CLDN14: variants seen among roughly 807,000 people sequenced by gnomAD.
CLDN14 encodes claudin-14.
Under a neutral mutation model 2.1 loss-of-function variants are expected in CLDN14, and 2 were observed. The observed-to-expected ratio is 0.96, with a 90% CI of 0.39 to 3.01. The LOEUF (loss-of-function observed/expected upper bound fraction) is 3.01, where lower values mean the gene tolerates loss of function less well. Among genes scored for constraint, CLDN14 ranks in the 30% most tolerant of loss-of-function variants. The probability of loss-of-function intolerance (pLI) is 0.09; values close to 1 mark genes in which losing one functional copy is unlikely to be tolerated. For synonymous variants in CLDN14, 136 were observed against 154.4 expected, an observed-to-expected ratio of 0.88 and a Z score of 0.88; for missense variants, 298 against 328.0, an observed-to-expected ratio of 0.91 and a Z score of 0.71.
intron 2 of CLDN14, among the ~76,000 whole-genome samples, chr21:36,497,679 G>C (rs760797451): frequency 6.6e-6 from 1 of 152,168 alleles, no homozygotes; most frequent in South Asian, 2.1e-4. Context: ...TCATTTCATC[G>C]CCGTTTAGCC....
intron 1 of CLDN14, among the ~76,000 whole-genome samples, chr21:36,570,560 G>A (rs1366514422): frequency 6.6e-6 from 1 of 152,072 alleles, no homozygotes; most frequent in Non-Finnish European, 1.5e-5. Flanking sequence ...GAACAAGGAC[G>A]GCAAACAAAA....
At chr21:36,465,866 A>C (rs2086639809) in intron 1 of CLDN14, among the ~76,000 whole-genome samples, 1 of 152,222 alleles carries the variant, frequency 6.6e-6, no homozygotes, top group East Asian at 1.9e-4. Flanking sequence ...AGTGGTGGGA[A>C]GGCAGAATCT....
intron 1 of CLDN14, among the ~76,000 whole-genome samples, chr21:36,554,610 A>G (rs908196121): frequency 2.0e-5 from 3 of 152,216 alleles, no homozygotes; most frequent in Non-Finnish European, 4.4e-5. Flanking sequence ...AGAGAGGTTA[A>G]GAAGCTTGCC....
Position 36,498,651 on chromosome 21 carries a change from C to T in CLDN14, c.-82+11712G>A, listed in dbSNP as rs2087062268. Among the ~76,000 whole-genome samples, 1 of 152,184 alleles carries T rather than the reference C, an allele frequency of 6.6e-6. No homozygotes were observed. Among genetic ancestry groups the T allele is most frequent in the African/African-American group, 2.4e-5 (1 of 41,448 alleles). On this transcript the variant is annotated intron_variant, in intron 2 of 2. Transcript: ENST00000342108. The surrounding 1 kb of genome is among the most constrained non-coding windows in gnomAD (Gnocchi z 4.9). ...CCGATGGCTAAGCTCTCTTCCCCTC[C>T]ACCCTGGAAAAAATGAACATAGGAT...
intron 1 of CLDN14, among the ~76,000 whole-genome samples, chr21:36,512,939 C>A (rs2087197151): frequency 6.6e-6 from 1 of 152,190 alleles, no homozygotes; most frequent in African/African-American, 2.4e-5. Context: ...AAAAACATAG[C>A]AACAAAGCAA....
At chr21:36,488,988 C>T (rs915177802) in intron 2 of CLDN14, among the ~76,000 whole-genome samples, 14 of 151,018 alleles carry the variant, frequency 9.3e-5, no homozygotes, top group South Asian at 4.2e-4. Flanking sequence ...CATGCATCTG[C>T]GATCCCAGCT....
chr21:36,510,328 G>C (rs1168392436), intron 2 of CLDN14: 3 of 152,228 alleles, frequency 2.0e-5, no homozygotes, highest in Non-Finnish European at 2.9e-5. Flanking sequence ...TTGATCCCTT[G>C]GAGTCCTCTT....
chr21:36,494,847 G>T (rs2087001192), intron 2 of CLDN14, among the ~76,000 whole-genome samples: 1 of 152,220 alleles, frequency 6.6e-6, no homozygotes, highest in Non-Finnish European at 1.5e-5. Flanking sequence ...GTGGAGCTTT[G>T]TTACAACATT....
chr21:36,466,916 A>G (rs982252631), intron 1 of CLDN14, among the ~76,000 whole-genome samples: 1 of 152,222 alleles, frequency 6.6e-6, no homozygotes, highest in African/African-American at 2.4e-5. Flanking sequence ...AAATTGACCA[A>G]AACAAAGAGG....
intron 1 of CLDN14, among the ~76,000 whole-genome samples, chr21:36,571,816 A>T (rs1482692497): frequency 1.3e-5 from 2 of 152,224 alleles, no homozygotes; most frequent in African/African-American, 4.8e-5. Flanking sequence ...ATTTTCTTGG[A>T]AAGTCACCAG....
At chr21:36,476,548 G>C in intron 1 of CLDN14, among the ~76,000 whole-genome samples, 1 of 152,140 alleles carries the variant, frequency 6.6e-6, no homozygotes, top group East Asian at 1.9e-4. Flanking sequence ...CGCCTCCCAG[G>C]TTCAAGTGAT....
intron 1 of CLDN14, among the ~76,000 whole-genome samples, chr21:36,562,747 G>A (rs1271375952): frequency 6.6e-6 from 1 of 151,956 alleles, no homozygotes; most frequent in South Asian, 2.1e-4. Context: ...TTCCCGCCTG[G>A]GGAATAGGCA....
At chr21:36,561,739 G>A (rs893238451) in intron 1 of CLDN14, among the ~76,000 whole-genome samples, 1 of 152,288 alleles carries the variant, frequency 6.6e-6, no homozygotes, top group Non-Finnish European at 1.5e-5. Flanking sequence ...TCAGCCAGGA[G>A]AGGTGTATTA....
chr21:36,484,971 CA>C (rs879649649), upstream of CLDN14, among the ~76,000 whole-genome samples: 1,622 of 151,662 alleles, frequency 0.011, 34 homozygotes, highest in Admixed American at 0.024. Context: ...CTCGGCCTCC[CA>C]AAGTGCTGGG....
intron 1 of CLDN14, 80 bp from the exon 2 acceptor site, chr21:36,461,856 C>T (rs143768024): frequency 6.6e-5 from 66 of 1,001,368 alleles, no homozygotes; most frequent in South Asian, 1.0e-4. Context: ...TTTCTGTCAC[C>T]GAAACCAAGT....
At chr21:36,508,434 G>A (rs1487918944) in intron 2 of CLDN14, among the ~76,000 whole-genome samples, 2 of 152,210 alleles carry the variant, frequency 1.3e-5, no homozygotes, top group Non-Finnish European at 2.9e-5. Context: ...GCACTGTAAG[G>A]CTGGGAGAGA....
At chr21:36,492,031 C>A (rs996056465) in intron 2 of CLDN14, among the ~76,000 whole-genome samples, 1 of 152,034 alleles carries the variant, frequency 6.6e-6, no homozygotes, top group African/African-American at 2.4e-5. Flanking sequence ...TGGCTGACTG[C>A]GGTGGCTCAC....
intron 1 of CLDN14, among the ~76,000 whole-genome samples, chr21:36,522,360 C>A (rs774244378): frequency 1.3e-5 from 2 of 152,198 alleles, no homozygotes; most frequent in South Asian, 4.1e-4. Context: ...CCTGACTTGG[C>A]GCAAATGTTC....
At chr21:36,481,736 T>G (rs1294663091), upstream of CLDN14, among the ~76,000 whole-genome samples, 1 of 152,224 alleles carries the variant, frequency 6.6e-6, no homozygotes, top group Non-Finnish European at 1.5e-5. Context: ...CCTGTGACCC[T>G]GGCCCAAGGC....
Sources: allele counts gnomAD v4.1 joint callset (sites outside exome capture counted in the v4.1 genomes callset), GRCh38; gene constraint gnomAD v4.1.1; non-coding constraint Gnocchi (gnomAD v3.1); transcripts MANE v1.5; gene names NCBI Gene and HGNC (gene_info 2026-07-23, HGNC 2026-07-21).